NLGN1: variants seen among roughly 807,000 people sequenced by gnomAD.
The protein encoded by NLGN1 is neuroligin-1.
In NLGN1, 12 loss-of-function variants were observed where a neutral mutation model predicts 65.5. The observed-to-expected ratio is 0.18, with a 90% CI of 0.12 to 0.30. NLGN1 has a LOEUF of 0.30. NLGN1 is among the 10% of genes least tolerant of loss of function. NLGN1 has a pLI of 1.00. For missense variants in NLGN1, 750 were observed against 1,007.1 expected (o/e 0.74, Z 3.46); for synonymous variants, 350 against 359.5 (o/e 0.97, Z 0.30).
intron 4 of NLGN1, among the ~76,000 whole-genome samples, chr3:174,157,260 A>G (rs149801538): frequency 6.6e-6 from 1 of 151,850 alleles, no homozygotes; most frequent in Admixed American, 6.6e-5. Flanking sequence ...TTAACTAAAA[A>G]CATACACACA....
intron 2 of NLGN1, among the ~76,000 whole-genome samples, chr3:173,445,280 A>AAAAC (rs1720027594): frequency 4.0e-5 from 3 of 75,344 alleles, no homozygotes; most frequent in African/African-American, 1.1e-4. Context: ...AAAAAAAAAA[A>AAAAC]AAAAAAAAAA....
Position 173,610,901 on chromosome 3 carries a change from C to T in NLGN1, c.493+5810C>T, listed in dbSNP as rs143805900. On this transcript the variant is annotated intron_variant, in intron 3 of 6. Coordinates refer to ENST00000457714, the Ensembl canonical transcript of NLGN1. ...AGGAAAATAGAGGTTGCTTTTGTTA[C>T]GGTAGGTTAAGATAGAAGAAATAAA... Among the ~76,000 whole-genome samples the T allele has an allele frequency of 3.5e-3, 529 of 151,802 alleles. 1 individual carries two copies. The highest frequency in any genetic ancestry group is 0.012 in the African/African-American group (506 of 41,442).
intron 2 of NLGN1, among the ~76,000 whole-genome samples, chr3:173,595,445 T>A (rs1371035920): frequency 6.6e-6 from 1 of 152,284 alleles, no homozygotes; most frequent in East Asian, 1.9e-4. Context: ...TCAGCCTAGA[T>A]TTTATTGTCC....
chr3:173,572,993 C>T (rs1744890910), intron 2 of NLGN1, among the ~76,000 whole-genome samples: 1 of 152,176 alleles, frequency 6.6e-6, no homozygotes, highest in Non-Finnish European at 1.5e-5. Context: ...ACAAGAAGTG[C>T]TGGGAGCATC....
chr3:173,850,137 A>G (rs974675863), intron 4 of NLGN1, among the ~76,000 whole-genome samples: 9 of 152,182 alleles, frequency 5.9e-5, no homozygotes, highest in African/African-American at 2.2e-4. Context: ...AGTTTGGTGG[A>G]CATCCTTCCA....
At chr3:174,070,095 A>C (rs1467577354) in intron 4 of NLGN1, among the ~76,000 whole-genome samples, 8 of 152,206 alleles carry the variant, frequency 5.3e-5, no homozygotes. Context: ...TAAAATGGCC[A>C]AAAGAACATA....
chr3:173,835,402 G>A (rs1275467488), intron 4 of NLGN1, among the ~76,000 whole-genome samples: 1 of 151,838 alleles, frequency 6.6e-6, no homozygotes, highest in Admixed American at 6.6e-5. Flanking sequence ...CATTTTCCTG[G>A]TGTGATCATT....
intron 3 of NLGN1, among the ~76,000 whole-genome samples, chr3:173,725,180 T>C (rs1384427105): frequency 1.3e-5 from 2 of 151,336 alleles, no homozygotes; most frequent in African/African-American, 2.4e-5. Flanking sequence ...AGTATAATAA[T>C]AAAAAAAGAA....
chr3:174,042,409 G>A (rs962296427), intron 4 of NLGN1, among the ~76,000 whole-genome samples: 2 of 152,114 alleles, frequency 1.3e-5, no homozygotes, highest in Non-Finnish European at 2.9e-5. Flanking sequence ...TAGATGTTGA[G>A]ATTTATTTTT....
intron 4 of NLGN1, among the ~76,000 whole-genome samples, chr3:174,070,566 G>A (rs1222503115): frequency 6.6e-6 from 1 of 151,988 alleles, no homozygotes; most frequent in African/African-American, 2.4e-5. Context: ...TCCTGACCTT[G>A]TGATCTGCCC....
intron 3 of NLGN1, among the ~76,000 whole-genome samples, chr3:173,744,420 G>A (rs1775068502): frequency 6.6e-6 from 1 of 152,068 alleles, no homozygotes. Flanking sequence ...TCCTAGTGAG[G>A]AAAACTATGA....
chr3:173,941,120 A>G (rs570399839), intron 4 of NLGN1, among the ~76,000 whole-genome samples: 51 of 152,292 alleles, frequency 3.3e-4, no homozygotes, highest in African/African-American at 1.2e-3. Flanking sequence ...TTGAGAGTGA[A>G]TGTCAATATC....
At chr3:173,436,650 A>G (rs577205231) in intron 2 of NLGN1, among the ~76,000 whole-genome samples, 9 of 152,312 alleles carry the variant, frequency 5.9e-5, no homozygotes, top group African/African-American at 2.2e-4. Context: ...TTGAGAAGCT[A>G]ACCTTGACTT....
chr3:173,406,441 G>T (rs1235371483), intron 1 of NLGN1, among the ~76,000 whole-genome samples: 5 of 149,088 alleles, frequency 3.4e-5, no homozygotes, highest in Admixed American at 6.7e-5. Context: ...GTATAAATTG[G>T]CGATGTACTA....
chr3:174,274,946 T>C (rs1304050359), intron 4 of NLGN1, among the ~76,000 whole-genome samples: 1 of 151,852 alleles, frequency 6.6e-6, no homozygotes, highest in Non-Finnish European at 1.5e-5. Flanking sequence ...ACAGACATGG[T>C]GTTTTCTGCA....
intron 3 of NLGN1, among the ~76,000 whole-genome samples, chr3:173,783,814 C>T (rs1781546396): frequency 6.6e-6 from 1 of 152,048 alleles, no homozygotes; most frequent in African/African-American, 2.4e-5. Context: ...AGAGTTTCAC[C>T]ATCTTGGCCA....
At chr3:173,675,887 TCACACACACA>T (rs35370304) in intron 3 of NLGN1, among the ~76,000 whole-genome samples, 8 of 138,578 alleles carry the variant, frequency 5.8e-5, no homozygotes, top group Admixed American at 2.9e-4. Flanking sequence ...TCTCTCTCTC[TCACACACACA>T]CACACACACA....
intron 3 of NLGN1, among the ~76,000 whole-genome samples, chr3:173,801,943 A>G (rs893149616): frequency 1.3e-5 from 2 of 152,118 alleles, no homozygotes; most frequent in African/African-American, 4.8e-5. Context: ...TAAGAAGACT[A>G]CTTCCACTTT....
At chr3:173,433,923 ATTTG>A (rs1409581023) in intron 1 of NLGN1, among the ~76,000 whole-genome samples, 1 of 152,200 alleles carries the variant, frequency 6.6e-6, no homozygotes, top group Non-Finnish European at 1.5e-5. Context: ...TAGCATTAAG[ATTTG>A]TTTATGATTT....
Sources: gnomAD v4.1 joint callset for allele counts (sites outside exome capture counted in the v4.1 genomes callset) on GRCh38, gnomAD v4.1.1 for gene constraint, MANE v1.5 for transcripts, NCBI Gene and HGNC (gene_info 2026-07-23, HGNC 2026-07-21) for gene names.